SLC1A2: variants seen among roughly 807,000 people sequenced by gnomAD.
SLC1A2 encodes the protein excitatory amino acid transporter 2.
SLC1A2 carries 15 observed loss-of-function variants against 48.8 expected under a neutral mutation model. The ratio of observed to expected loss-of-function variants is 0.31; its 90% CI spans 0.21 to 0.47. SLC1A2 has a LOEUF of 0.47. Among genes scored for constraint, SLC1A2 ranks in the 20% least tolerant of loss-of-function variants. The pLI, the probability that SLC1A2 is intolerant of heterozygous loss-of-function variation, is 0.99. For missense variants in SLC1A2, 502 were observed against 730.5 expected (o/e 0.69, Z 3.61); for synonymous variants, 279 against 272.6 (o/e 1.02, Z -0.23).
At chr11:35,375,455 G>A (rs905419260) in intron 1 of SLC1A2, among the ~76,000 whole-genome samples, 5 of 152,212 alleles carry the variant, frequency 3.3e-5, no homozygotes, top group African/African-American at 9.7e-5. Context: ...TAGAAGAAGC[G>A]GGCCTGGGGC....
chr11:35,311,897 G>GAGAGAGAGAGAGAGA (rs1565233384), intron 4 of SLC1A2, among the ~76,000 whole-genome samples: 3 of 25,702 alleles, frequency 1.2e-4, no homozygotes, highest in Non-Finnish European at 2.1e-4. Context: ...AGAGAGGGAG[G>GAGAGAGAGAGAGAGA]GAGAGAGAGA....
At chr11:35,285,402 G>A (rs1387477675) in intron 8 of SLC1A2, 1 of 152,232 alleles carries the variant, frequency 6.6e-6, no homozygotes, top group Non-Finnish European at 1.5e-5. Context: ...CCAAAGAGTG[G>A]AGTGATTATC....
chr11:35,366,844 C>T (rs1048997920), intron 1 of SLC1A2, among the ~76,000 whole-genome samples: 24 of 152,316 alleles, frequency 1.6e-4, no homozygotes, highest in Middle Eastern at 3.4e-3. Context: ...CTGCTTCAGC[C>T]CGGGTCCTAG....
At chr11:35,296,914 C>G (rs1027815141) in intron 6 of SLC1A2, among the ~76,000 whole-genome samples, 2 of 152,050 alleles carry the variant, frequency 1.3e-5, no homozygotes, top group African/African-American at 4.8e-5. Context: ...TTTGGCTTTC[C>G]CTCTCTCCCT....
chr11:35,336,900 AC>A (rs1852653666), intron 1 of SLC1A2, among the ~76,000 whole-genome samples: 1 of 152,110 alleles, frequency 6.6e-6, no homozygotes, highest in South Asian at 2.1e-4. Flanking sequence ...AGAACAGTAA[AC>A]CAAATCCCAA....
Position 35,286,870 on chromosome 11 carries a change from A to G in SLC1A2, c.1173T>C (p.Pro391=), listed in dbSNP as rs1850838185. ...IDKRVTRFVL[P]VGATINMDGT... is the part of the protein sequence containing the mutation. ...CATCCATGTTAATGGTTGCTCCAAC[A>G]GGAAGGACGAATCTAGTCACACGCT... Residue 391 remains proline (P), a synonymous_variant, in exon 8 of 11, where the codon CCT becomes CCC. Coordinates refer to ENST00000278379, the MANE Select transcript of SLC1A2 (RefSeq NM_004171.4). 1 of 1,614,108 alleles carries G rather than the reference A, an allele frequency of 6.2e-7. No homozygotes were observed. Among genetic ancestry groups the G allele is most frequent in the Non-Finnish European group, 8.5e-7 (1 of 1,179,956 alleles).
intron 5 of SLC1A2, among the ~76,000 whole-genome samples, chr11:35,303,541 C>T (rs374571107): frequency 4.6e-5 from 7 of 152,190 alleles, no homozygotes; most frequent in East Asian, 1.9e-4. Flanking sequence ...GAGTCTGCTA[C>T]GTGGGAGGTC....
chr11:35,273,512 AG>A (rs138105119), intron 9 of SLC1A2, among the ~76,000 whole-genome samples: 3,052 of 152,368 alleles, frequency 0.02, 62 homozygotes, highest in Middle Eastern at 0.061. Flanking sequence ...GTCAACCAAG[AG>A]GTCCTCCACC....
intron 1 of SLC1A2, among the ~76,000 whole-genome samples, chr11:35,408,722 A>G (rs367827167): frequency 5.3e-5 from 8 of 152,250 alleles, no homozygotes; most frequent in African/African-American, 1.9e-4. Flanking sequence ...GTTTTTGTTA[A>G]AAATAATTTA....
At chr11:35,298,054 A>T (rs1312392937) in intron 6 of SLC1A2, 2 of 152,260 alleles carry the variant, frequency 1.3e-5, no homozygotes, top group Non-Finnish European at 2.9e-5. Flanking sequence ...TCACTTCCGT[A>T]CAGCTCCATA....
At chr11:35,349,668 T>C (rs1447470154) in intron 1 of SLC1A2, among the ~76,000 whole-genome samples, 1 of 152,218 alleles carries the variant, frequency 6.6e-6, no homozygotes, top group Non-Finnish European at 1.5e-5. Flanking sequence ...CTCAGGTATA[T>C]AAGAAATCAG....
chr11:35,282,715 G>A (rs541787313), intron 8 of SLC1A2, among the ~76,000 whole-genome samples: 107 of 152,286 alleles, frequency 7.0e-4, no homozygotes, highest in Non-Finnish European at 1.4e-3. Context: ...CACAGCATCA[G>A]TTGCTCTGAG....
intron 1 of SLC1A2, among the ~76,000 whole-genome samples, chr11:35,340,300 C>T (rs542618436): frequency 6.6e-6 from 1 of 152,214 alleles, no homozygotes; most frequent in Non-Finnish European, 1.5e-5. Flanking sequence ...TCCATCTGGG[C>T]ACTGCTGGAG....
At position 35,312,164 on chromosome 11, in the gene SLC1A2, C is replaced by T. The variant is rs371862686; in HGVS notation, c.561+34G>A. On this transcript the variant is annotated intron_variant, in intron 4 of 10. Coordinates refer to ENST00000278379, the MANE Select transcript of SLC1A2 (RefSeq NM_004171.4). ...GTTATCGCCTTGATAACTTAGAGGA[C>T]TGGAGAAGAGAGAACATCTGAACTC... 30 of 1,608,368 alleles carry T rather than the reference C, an allele frequency of 1.9e-5. No homozygotes were observed. In the Middle Eastern group the frequency reaches 9.9e-4, roughly 53 times the overall value.
At chr11:35,300,868 A>T (rs967144032) in intron 6 of SLC1A2, among the ~76,000 whole-genome samples, 1 of 151,988 alleles carries the variant, frequency 6.6e-6, no homozygotes, top group Non-Finnish European at 1.5e-5. Flanking sequence ...AATTTTCAAA[A>T]ATTAGCTGGG....
intron 1 of SLC1A2, among the ~76,000 whole-genome samples, chr11:35,347,102 A>G (rs1221997466): frequency 1.3e-5 from 2 of 152,374 alleles, no homozygotes; most frequent in South Asian, 4.1e-4. Context: ...TAGCTCTCCA[A>G]CTGAGAAAAC....
intron 1 of SLC1A2, among the ~76,000 whole-genome samples, chr11:35,407,171 T>G: frequency 6.6e-6 from 1 of 152,020 alleles, no homozygotes; most frequent in East Asian, 1.9e-4. Flanking sequence ...AAGGACAAGC[T>G]GGCTGCCCCA....
intron 1 of SLC1A2, chr11:35,418,300 T>G (rs1855671548): frequency 6.6e-6 from 1 of 152,380 alleles, no homozygotes; most frequent in East Asian, 1.9e-4. Flanking sequence ...AAGCCAATGC[T>G]ATCCCTGCCC....
At chr11:35,409,777 T>C (rs4755408) in intron 1 of SLC1A2, among the ~76,000 whole-genome samples, 104,049 of 151,930 alleles carry the variant, frequency 0.68, 36,107 homozygotes, top group African/African-American at 0.79. Context: ...GGCATCGTGG[T>C]GCGTACCTGT....
Sources: allele counts gnomAD v4.1 joint callset (sites outside exome capture counted in the v4.1 genomes callset), GRCh38; gene constraint gnomAD v4.1.1; transcripts MANE v1.5; gene names NCBI Gene and HGNC (gene_info 2026-07-23, HGNC 2026-07-21).